FSTL5: variants seen among roughly 807,000 people sequenced by gnomAD.
FSTL5 encodes the protein follistatin-related protein 5.
In FSTL5, 62 loss-of-function variants were observed where a neutral mutation model predicts 89.1. The observed-to-expected ratio is 0.70, with a 90% CI of 0.57 to 0.86. FSTL5 has a LOEUF of 0.86. Ranked by LOEUF, FSTL5 falls within the 40% of genes least tolerant of loss-of-function variation. The probability of loss-of-function intolerance (pLI) is 0.00; values close to 1 mark genes in which losing one functional copy is unlikely to be tolerated. For synonymous variants in FSTL5, 383 were observed against 346.2 expected (o/e 1.11, Z -1.18); for missense variants, 1,057 against 1,001.6 (o/e 1.06, Z -0.75).
intron 7 of FSTL5, among the ~76,000 whole-genome samples, chr4:161,605,153 AGC>A (rs1184714965): frequency 6.6e-6 from 1 of 152,222 alleles, no homozygotes; most frequent in African/African-American, 2.4e-5. Flanking sequence ...AAAAGGGATT[AGC>A]ATACAGAAAA....
chr4:161,703,646 A>G (rs780779783), intron 6 of FSTL5, among the ~76,000 whole-genome samples: 1 of 152,120 alleles, frequency 6.6e-6, no homozygotes, highest in Non-Finnish European at 1.5e-5. Flanking sequence ...CTGTTTTCCA[A>G]CCATGAAATT....
intron 2 of FSTL5, among the ~76,000 whole-genome samples, chr4:162,087,086 C>T (rs973516): frequency 0.63 from 95,738 of 151,884 alleles, 30,407 homozygotes; most frequent in Middle Eastern, 0.74. Context: ...AATGCAGCTA[C>T]TGAGAGAGAT....
At position 162,083,386 on chromosome 4, in the gene FSTL5, T is replaced by A. The variant is rs1425685676; in HGVS notation, c.126+27885A>T. 3.3e-5 allele frequency among the ~76,000 whole-genome samples: 5 copies of A among 151,772 alleles called. No individual in the cohort carries two copies. In the East Asian group the frequency reaches 9.7e-4, roughly 29 times the overall value. On this transcript the variant is annotated intron_variant, in intron 2 of 15. Transcript: ENST00000306100. ...CAGGGATGAATGATATGTACATGGCTTTATTAAAGTATGAAAAAATTAGAT... is the reference window on the plus strand; with the variant it reads ...CAGGGATGAATGATATGTACATGGCATTATTAAAGTATGAAAAAATTAGAT...
At chr4:161,890,751 G>A (rs1446013577) in intron 4 of FSTL5, among the ~76,000 whole-genome samples, 1 of 150,578 alleles carries the variant, frequency 6.6e-6, no homozygotes, top group Non-Finnish European at 1.5e-5. Flanking sequence ...TGTAAAATGA[G>A]GAAAAATATG....
chr4:161,710,198 T>A (rs1579039391), intron 6 of FSTL5, among the ~76,000 whole-genome samples: 1 of 152,222 alleles, frequency 6.6e-6, no homozygotes, highest in East Asian at 1.9e-4. Context: ...AAACTCCTGG[T>A]CTTAAGCCAT....
chr4:161,453,313 A>G (rs540809865), intron 15 of FSTL5, among the ~76,000 whole-genome samples: 47 of 152,328 alleles, frequency 3.1e-4, no homozygotes, highest in African/African-American at 1.0e-3. Flanking sequence ...CAAAGGTTAC[A>G]TATCTAATTA....
At chr4:161,588,997 GT>G (rs879331171) in intron 7 of FSTL5, among the ~76,000 whole-genome samples, 3,493 of 130,920 alleles carry the variant, frequency 0.027, 38 homozygotes, top group African/African-American at 0.038. Context: ...TATCCCTAAT[GT>G]TTTTTTTTTT....
intron 7 of FSTL5, among the ~76,000 whole-genome samples, chr4:161,628,726 C>A (rs568883993): frequency 6.6e-6 from 1 of 152,246 alleles, no homozygotes; most frequent in African/African-American, 2.4e-5. Context: ...TTCCTTTTAA[C>A]TTCCTATCAG....
intron 7 of FSTL5, among the ~76,000 whole-genome samples, chr4:161,590,299 G>A (rs1733767949): frequency 6.6e-6 from 1 of 152,102 alleles, no homozygotes; most frequent in Non-Finnish European, 1.5e-5. Context: ...CAACACTTTG[G>A]GGGCCAAGGC....
intron 6 of FSTL5, among the ~76,000 whole-genome samples, chr4:161,744,986 T>C (rs1740147022): frequency 6.6e-6 from 1 of 151,856 alleles, no homozygotes; most frequent in Middle Eastern, 3.4e-3. Flanking sequence ...TTTATTCTGC[T>C]TTATCGGATC....
intron 8 of FSTL5, among the ~76,000 whole-genome samples, chr4:161,563,165 G>A (rs1732669130): frequency 1.3e-5 from 2 of 151,942 alleles, no homozygotes; most frequent in South Asian, 4.2e-4. Context: ...CATATTTTAT[G>A]GACATACCAC....
Position 161,760,618 on chromosome 4 carries a change from C to T in FSTL5, c.607-1087G>A, listed in dbSNP as rs147762133. ...GGTGTAAGACATAACATACAGCATA[C>T]ACTCAAAAGTGATCATTTAACATTA... On this transcript the variant is annotated intron_variant, in intron 5 of 15. Transcript: ENST00000306100. Among the ~76,000 whole-genome samples, 737 of 152,264 alleles carry T rather than the reference C, an allele frequency of 4.8e-3. 2 individuals are homozygous for T. The highest frequency in any genetic ancestry group is 7.9e-3 in the Non-Finnish European group (536 of 68,012).
chr4:161,433,375 A>G (rs1453058388), intron 15 of FSTL5, among the ~76,000 whole-genome samples: 1 of 152,044 alleles, frequency 6.6e-6, no homozygotes, highest in Admixed American at 6.6e-5. Flanking sequence ...GATTAAAAAA[A>G]CCCTAAAAAA....
intron 8 of FSTL5, among the ~76,000 whole-genome samples, chr4:161,546,407 A>G: frequency 6.6e-6 from 1 of 151,378 alleles, no homozygotes. Flanking sequence ...CAAAAGCCTA[A>G]AGATGATGAA....
At chr4:162,059,972 G>A (rs1479087856) in intron 2 of FSTL5, among the ~76,000 whole-genome samples, 2 of 152,110 alleles carry the variant, frequency 1.3e-5, no homozygotes, top group African/African-American at 4.8e-5. Flanking sequence ...GATTCTACTT[G>A]AAGAGAAACG....
At chr4:161,941,992 T>A (rs1236421017) in intron 3 of FSTL5, among the ~76,000 whole-genome samples, 6 of 151,886 alleles carry the variant, frequency 4.0e-5, no homozygotes, top group African/African-American at 1.4e-4. Flanking sequence ...GAGAAAAACC[T>A]GGACTATTCA....
chr4:161,394,870 A>G (rs1730947231), intron 15 of FSTL5, among the ~76,000 whole-genome samples: 1 of 152,160 alleles, frequency 6.6e-6, no homozygotes, highest in African/African-American at 2.4e-5. Flanking sequence ...GGGTCTTCAA[A>G]TTATCTCTAA....
intron 4 of FSTL5, among the ~76,000 whole-genome samples, chr4:161,860,085 T>A (rs150136695): frequency 4.6e-5 from 7 of 152,086 alleles, no homozygotes; most frequent in Admixed American, 4.6e-4. Context: ...TCAGGAGATC[T>A]AGACCATCCT....
At chr4:161,636,748 T>C (rs1177860425) in intron 7 of FSTL5, among the ~76,000 whole-genome samples, 1 of 147,902 alleles carries the variant, frequency 6.8e-6, no homozygotes, top group East Asian at 2.0e-4. Context: ...TTACTGAGAA[T>C]GATGATTTCC....
Sources: gnomAD v4.1 joint callset for allele counts (sites outside exome capture counted in the v4.1 genomes callset) on GRCh38, gnomAD v4.1.1 for gene constraint, MANE v1.5 for transcripts, NCBI Gene and HGNC (gene_info 2026-07-23, HGNC 2026-07-21) for gene names.